KTN1: variants seen among roughly 807,000 people sequenced by gnomAD.
KTN1 encodes the protein kinectin.
KTN1 carries 130 observed loss-of-function variants against 222.5 expected under a neutral mutation model. The ratio of observed to expected loss-of-function variants is 0.58; its 90% CI spans 0.51 to 0.68. The LOEUF (loss-of-function observed/expected upper bound fraction) is 0.68. Among genes scored for constraint, KTN1 ranks in the 30% least tolerant of loss-of-function variants. The pLI, the probability that KTN1 is intolerant of heterozygous loss-of-function variation, is 0.00. For synonymous variants in KTN1, 512 were observed against 496.3 expected (o/e 1.03, Z -0.42); for missense variants, 1,508 against 1,500.4 (o/e 1.01, Z -0.08).
intron 5 of KTN1, among the ~76,000 whole-genome samples, chr14:55,625,635 T>C (rs1216987959): frequency 6.6e-6 from 1 of 152,210 alleles, no homozygotes; most frequent in Non-Finnish European, 1.5e-5. Context: ...TATTCATCTC[T>C]TGGTTAGCTG....
Position 55,646,935 on chromosome 14 carries a change from T to G in KTN1, c.2173-38T>G, listed in dbSNP as rs192932559. 11 of 1,315,184 alleles carry G rather than the reference T, an allele frequency of 8.4e-6. No homozygotes were observed. In the African/African-American group the frequency reaches 1.5e-4, roughly 17 times the overall value. The allele number at this position is 1,315,184 out of a possible 1,614,324, so 81.5% of individuals were successfully genotyped here. ...CATCTGGTTTTACTTCATGCAAATT[T>G]GGTAAAGTTAAACTTTTTTTGGTGA... On this transcript the variant is annotated intron_variant, in intron 18 of 43. Transcript: ENST00000395314.
chr14:55,599,587 G>T (rs2035644686), intron 1 of KTN1, among the ~76,000 whole-genome samples: 1 of 152,068 alleles, frequency 6.6e-6, no homozygotes, highest in Non-Finnish European at 1.5e-5. Context: ...CGATTCTCCT[G>T]CCTCAGCCTC....
rs2038637132 is a variant in KTN1, at chr14:55,618,054, T to C, written c.752T>C (p.Val251Ala). ...AGTCCTGTGGTAGATAAGAGAGAGG[T>C]TATTGATTTGCTTAAACCTGACCAA... Reference protein sequence around the residue: ...DSSPVVDKREVIDLLKPDQVE... With the variant: ...DSSPVVDKREAIDLLKPDQVE... The change falls in exon 4 of 44, where the codon GTT becomes GCT. Residue 251 changes from valine (V) to alanine (A), a missense_variant. By Grantham distance (64) the Val-to-Ala change is moderately conservative (BLOSUM62 0). Coordinates refer to ENST00000395314, the MANE Select transcript of KTN1 (RefSeq NM_001079521.2). 6.2e-7 allele frequency: 1 copy of C among 1,612,790 alleles called. No homozygotes were observed.
chr14:55,680,848 T>C (rs1595353984), intron 43 of KTN1: 1 of 516,036 alleles, frequency 1.9e-6, no homozygotes, highest in African/African-American at 2.0e-5. Context: ...CTTGGTAAGC[T>C]GACTTCTCCA....
intron 1 of KTN1, among the ~76,000 whole-genome samples, chr14:55,583,055 A>G (rs555089185): frequency 1.3e-5 from 2 of 152,268 alleles, no homozygotes; most frequent in Non-Finnish European, 2.9e-5. Context: ...CACTGGGAAA[A>G]TATTGGTCTA....
chr14:55,615,366 C>G (rs966513312), intron 2 of KTN1, among the ~76,000 whole-genome samples: 2 of 152,026 alleles, frequency 1.3e-5, no homozygotes, highest in African/African-American at 4.8e-5. Context: ...CCTGCCTCCC[C>G]CTTTTCCCCC....
chr14:55,581,745 T>TGCTGGTGAGACTTGGGATAATGATCCCAA (rs1156649491), intron 1 of KTN1, among the ~76,000 whole-genome samples: 6 of 152,206 alleles, frequency 3.9e-5, no homozygotes, highest in South Asian at 4.2e-4. Flanking sequence ...CCGAAGCAAT[T>TGCTGGTGAGACTTGGGATAATGATCCCAA]GCTGGTGAGA....
At position 55,672,190 on chromosome 14, in the gene KTN1, T is replaced by C. The variant is rs138865405; in HGVS notation, c.3531+313T>C. On this transcript the variant is annotated intron_variant, in intron 37 of 43. Transcript: ENST00000395314. ...AATCAGTTTTAAAGTATTTAACCCA[T>C]AATATAGAATTCAAGAAAAAGTCAT... The C allele has an allele frequency of 1.6e-4, 41 of 251,020 alleles. No homozygotes were observed. In the East Asian group the frequency reaches 2.8e-3, roughly 17 times the overall value. The allele number at this position is 251,020 out of a possible 1,614,324, so 15.5% of individuals were successfully genotyped here. A position where few individuals can be genotyped will look rare whatever the true frequency, so the allele number is the denominator to read the frequency against.
At chr14:55,631,266 C>A in intron 7 of KTN1, among the ~76,000 whole-genome samples, 1 of 149,100 alleles carries the variant, frequency 6.7e-6, no homozygotes, top group East Asian at 2.0e-4. Context: ...CATCTGCTGG[C>A]TGATCCTTCA....
chr14:55,615,395 A>G (rs1405031515), intron 2 of KTN1, among the ~76,000 whole-genome samples: 1 of 72,672 alleles, frequency 1.4e-5, no homozygotes, highest in African/African-American at 5.4e-5. Flanking sequence ...CCCTTCCCCC[A>G]TATCTTGACA....
At chr14:55,681,935 T>G (rs1283379875) in intron 43 of KTN1, 1 of 152,176 alleles carries the variant, frequency 6.6e-6, no homozygotes, top group Non-Finnish European at 1.5e-5. Flanking sequence ...TCCTGTATAC[T>G]CTATTTAAAC....
At position 55,612,269 on chromosome 14, in the gene KTN1, A is replaced by C. The variant is rs778557180; in HGVS notation, c.221A>C (p.Glu74Ala). 3 of 1,600,286 alleles carry C rather than the reference A, an allele frequency of 1.9e-6. No homozygotes were observed. In the Admixed American group the frequency reaches 5.3e-5, roughly 28 times the overall value. Residue 74 changes from glutamate (E) to alanine (A), a missense_variant, in exon 2 of 44, where the codon GAA becomes GCA. Coordinates refer to ENST00000395314, the MANE Select transcript of KTN1 (RefSeq NM_001079521.2). ...GAAATCCAGAATGGAAACCTCCATG[A>C]ATCCGACTCTGAGAGTGTACCTCGA... ...KKEIQNGNLH[E>A]SDSESVPRDF...
intron 31 of KTN1, chr14:55,661,321 A>G: frequency 2.2e-6 from 1 of 456,212 alleles, no homozygotes; most frequent in Non-Finnish European, 3.9e-6. Context: ...TATTAGGCAT[A>G]AAAACTTATA....
Position 55,684,201 on chromosome 14 carries a change from C to A in KTN1, c.*98C>A. On this transcript the variant is annotated 3_prime_UTR_variant, in exon 44 of 44. Coordinates refer to ENST00000395314, the MANE Select transcript of KTN1 (RefSeq NM_001079521.2). ...TATGTTTTCACCCTTTCTACTTTGTCAGAAACACTGAACAGAGTTTTGTCT... is the reference window on the plus strand; with the variant it reads ...TATGTTTTCACCCTTTCTACTTTGTAAGAAACACTGAACAGAGTTTTGTCT... 2.2e-6 allele frequency: 2 copies of A among 903,122 alleles called. No homozygotes were observed. The highest frequency in any genetic ancestry group is 3.4e-6 in the Non-Finnish European group (2 of 583,310). 55.9% of individuals were successfully genotyped at this position (903,122 alleles called of 1,614,324 possible). A position where few individuals can be genotyped will look rare whatever the true frequency, so the allele number is the denominator to read the frequency against.
At position 55,618,870 on chromosome 14, in the gene KTN1, A is replaced by C. The variant is rs555970030; in HGVS notation, c.833-312A>C. ...TTAAAGTTCATTGAGATTATTGTGA[A>C]TATAATAGTGCAGATATTAGCACAT... On this transcript the variant is annotated intron_variant, in intron 4 of 43. Coordinates refer to ENST00000395314, the MANE Select transcript of KTN1 (RefSeq NM_001079521.2). Among the ~76,000 whole-genome samples the C allele has an allele frequency of 4.6e-5, 7 of 152,340 alleles. 1 individual carries two copies. The South Asian group carries it at 1.4e-3, about 32-fold the overall frequency.
At position 55,611,745 on chromosome 14, in the gene KTN1, A is replaced by T. The variant is rs183363456; in HGVS notation, c.-30-274A>T. Among the ~76,000 whole-genome samples, 320 of 152,220 alleles carry T rather than the reference A, an allele frequency of 2.1e-3. 3 individuals are homozygous for T. The highest frequency in any genetic ancestry group is 7.2e-3 in the African/African-American group (300 of 41,546). On this transcript the variant is annotated intron_variant, in intron 1 of 43. Coordinates refer to ENST00000395314, the MANE Select transcript of KTN1 (RefSeq NM_001079521.2). ...GGAAAAGAAAGTAATGAATATTTAA[A>T]TTTTTTCTCTTCAATTAGGATATTT... is the stretch of plus-strand genomic sequence containing the variant.
intron 34 of KTN1, chr14:55,668,155 A>G (rs2045039679): frequency 6.6e-6 from 1 of 152,160 alleles, no homozygotes; most frequent in Non-Finnish European, 1.5e-5. Flanking sequence ...AAAGTGTGAT[A>G]TTACACTTAA....
At chr14:55,603,065 G>A (rs78395034) in intron 1 of KTN1, among the ~76,000 whole-genome samples, 9,193 of 152,098 alleles carry the variant, frequency 0.06, 383 homozygotes, top group South Asian at 0.09. Context: ...ACCATCTAAG[G>A]CCAGTCACTC....
intron 9 of KTN1, among the ~76,000 whole-genome samples, chr14:55,635,826 G>A (rs1296770823): frequency 6.6e-6 from 1 of 152,174 alleles, no homozygotes; most frequent in African/African-American, 2.4e-5. Flanking sequence ...CAGAGTAGGA[G>A]TTAAAAAGGC....
Sources: allele counts gnomAD v4.1 joint callset (sites outside exome capture counted in the v4.1 genomes callset), GRCh38; gene constraint gnomAD v4.1.1; transcripts MANE v1.5; gene names NCBI Gene and HGNC (gene_info 2026-07-23, HGNC 2026-07-21).